Variants in CIB4 observed in about 807,000 individuals in gnomAD.
The protein encoded by CIB4 is calcium and integrin-binding family member 4.
In CIB4, 25 loss-of-function variants were observed where a neutral mutation model predicts 25.8. The ratio of observed to expected loss-of-function variants is 0.97; its 90% CI spans 0.71 to 1.35. The LOEUF (loss-of-function observed/expected upper bound fraction) is 1.35. Among genes scored for constraint, CIB4 ranks in the 40% most tolerant of loss-of-function variants. CIB4 has a pLI of 0.00. For missense variants in CIB4, 235 were observed against 228.2 expected, an observed-to-expected ratio of 1.03 and a Z score of -0.19; for synonymous variants, 75 against 81.4, an observed-to-expected ratio of 0.92 and a Z score of 0.42.
intron 2 of CIB4, among the ~76,000 whole-genome samples, chr2:26,632,995 G>A (rs570547742): frequency 1.1e-4 from 17 of 152,176 alleles, no homozygotes; most frequent in East Asian, 7.7e-4. Context: ...GGGCACCACC[G>A]GGAGTGCCTG....
At chr2:26,618,356 G>A (rs1245927183) in intron 3 of CIB4, among the ~76,000 whole-genome samples, 2 of 152,162 alleles carry the variant, frequency 1.3e-5, no homozygotes, top group African/African-American at 4.8e-5. Context: ...TGCCATCATG[G>A]CTCACTGCAG....
intron 2 of CIB4, 23 bp downstream of exon 2, chr2:26,640,510 A>G (rs753970605): frequency 6.2e-7 from 1 of 1,612,088 alleles, no homozygotes; most frequent in South Asian, 1.1e-5. Context: ...GGAGAAGGAA[A>G]GAGGGGCGGG....
chr2:26,587,304 C>CAAAAA (rs71399396), intron 4 of CIB4, among the ~76,000 whole-genome samples: 38,181 of 61,440 alleles, frequency 0.62, 16,136 homozygotes, highest in Middle Eastern at 0.78. Context: ...GACTCCGTCT[C>CAAAAA]AAAAAAAAAA....
chr2:26,611,221 C>A (rs1208012859), intron 3 of CIB4, among the ~76,000 whole-genome samples: 2 of 152,358 alleles, frequency 1.3e-5, no homozygotes, highest in East Asian at 1.9e-4. Context: ...GGAGATGCAA[C>A]CTAGCCTTCG....
chr2:26,583,639 G>A (rs1175111347), intron 5 of CIB4, 150 bp downstream of exon 5: 4 of 632,382 alleles, frequency 6.3e-6, no homozygotes, highest in African/African-American at 3.6e-5. Flanking sequence ...AGCCCCCAGG[G>A]AATGTGTGCA....
In CIB4 at chr2:26,625,668, A is replaced by AC. The variant is rs550982082; in HGVS notation, c.186+3741dup. Among the ~76,000 whole-genome samples, 437 of 151,862 alleles carry AC rather than the reference A, an allele frequency of 2.9e-3. 2 individuals carry two copies. The highest frequency in any genetic ancestry group is 9.3e-3 in the African/African-American group (387 of 41,420). Reference sequence around the variant, plus strand: ...TGCCCACCTGTGGAAAACAGGCTCCACCCCCCCACTGCTTCCCACCCGGAC... The same window carrying AC: ...TGCCCACCTGTGGAAAACAGGCTCCACCCCCCCCACTGCTTCCCACCCGGAC... On this transcript the variant is annotated intron_variant, in intron 3 of 6. Coordinates refer to ENST00000288861, the MANE Select transcript of CIB4 (RefSeq NM_001029881.3).
At chr2:26,605,092 C>T (rs1668862933) in intron 3 of CIB4, among the ~76,000 whole-genome samples, 1 of 151,914 alleles carries the variant, frequency 6.6e-6, no homozygotes, top group Non-Finnish European at 1.5e-5. Flanking sequence ...TTGAACACAA[C>T]AAAATTAAAT....
At chr2:26,634,946 A>G (rs1459771087) in intron 2 of CIB4, among the ~76,000 whole-genome samples, 3 of 152,354 alleles carry the variant, frequency 2.0e-5, no homozygotes, top group East Asian at 3.9e-4. Context: ...CCTGCGCCTG[A>G]GACATAGAGG....
At chr2:26,591,514 G>A (rs1048520445) in intron 4 of CIB4, among the ~76,000 whole-genome samples, 3 of 152,178 alleles carry the variant, frequency 2.0e-5, no homozygotes, top group Non-Finnish European at 4.4e-5. Context: ...AGGGCCCCAG[G>A]AGTCCTGCCT....
chr2:26,602,474 A>G (rs1002435802), intron 3 of CIB4, among the ~76,000 whole-genome samples: 8 of 152,246 alleles, frequency 5.3e-5, no homozygotes, highest in African/African-American at 1.9e-4. Flanking sequence ...TAAGTAAGAT[A>G]AAATAAGTTA....
chr2:26,629,279 G>A lies in CIB4; in HGVS notation c.186+131C>T, dbSNP rs1669368900. 3.1e-5 allele frequency: 20 copies of A among 645,978 alleles called. No homozygotes were observed. The South Asian group carries it at 3.2e-4, about 10-fold the overall frequency. 40.0% of individuals were successfully genotyped at this position (645,978 alleles called of 1,614,324 possible). A position where few individuals can be genotyped will look rare whatever the true frequency, so the allele number is the denominator to read the frequency against. On this transcript the variant is annotated intron_variant, in intron 3 of 6. Coordinates refer to ENST00000288861, the MANE Select transcript of CIB4 (RefSeq NM_001029881.3). ...TGCACTCCTCTGCCTGGAGGATCAG[G>A]AGCCCCTTGGAGTGAGGTGACCATC... is the stretch of plus-strand genomic sequence containing the variant.
intron 3 of CIB4, among the ~76,000 whole-genome samples, chr2:26,624,472 G>T (rs1391430859): frequency 2.0e-5 from 3 of 152,204 alleles, no homozygotes; most frequent in Non-Finnish European, 4.4e-5. Context: ...GGATGAGCCA[G>T]TGACAAAGTT....
intron 1 of CIB4, among the ~76,000 whole-genome samples, 179 bp downstream of exon 1, chr2:26,641,082 C>T (rs1485037217): frequency 1.3e-5 from 2 of 152,164 alleles, no homozygotes; most frequent in Middle Eastern, 3.2e-3. Flanking sequence ...AGCTCATCAG[C>T]AAGCATTAGT....
intron 3 of CIB4, among the ~76,000 whole-genome samples, chr2:26,616,348 T>A (rs566191456): frequency 6.6e-6 from 1 of 152,298 alleles, no homozygotes; most frequent in Admixed American, 6.5e-5. Flanking sequence ...AGAGCCAGCA[T>A]GCATCTCCCC....
intron 3 of CIB4, among the ~76,000 whole-genome samples, chr2:26,598,516 G>A (rs964238064): frequency 6.6e-6 from 1 of 152,172 alleles, no homozygotes; most frequent in Non-Finnish European, 1.5e-5. Flanking sequence ...GAAACAGTGA[G>A]GAATCCGAGT....
At chr2:26,639,557 T>C (rs1293027956) in intron 2 of CIB4, among the ~76,000 whole-genome samples, 2 of 152,276 alleles carry the variant, frequency 1.3e-5, no homozygotes, top group East Asian at 3.9e-4. Context: ...TAGTAGGATA[T>C]GGGTCATTTG....
chr2:26,639,191 TTTC>T (rs1018715329), intron 2 of CIB4, among the ~76,000 whole-genome samples: 5 of 151,648 alleles, frequency 3.3e-5, no homozygotes, highest in Admixed American at 1.3e-4. Flanking sequence ...CTATTTGAAT[TTTC>T]TTTTTTTTTT....
chr2:26,623,394 AC>A, intron 3 of CIB4: 1 of 332,076 alleles, frequency 3.0e-6, no homozygotes, highest in Non-Finnish European at 6.5e-6. Flanking sequence ...AAAATACACT[AC>A]CATTCCCACC....
chr2:26,624,397 C>T (rs1473170897), intron 3 of CIB4, among the ~76,000 whole-genome samples: 2 of 152,118 alleles, frequency 1.3e-5, no homozygotes, highest in Non-Finnish European at 2.9e-5. Context: ...TGTCCAGAAT[C>T]GGAAAGACAC....
Sources: allele counts gnomAD v4.1 joint callset (sites outside exome capture counted in the v4.1 genomes callset), GRCh38; gene constraint gnomAD v4.1.1; transcripts MANE v1.5; gene names NCBI Gene and HGNC (gene_info 2026-07-23, HGNC 2026-07-21).